GRM1: variants seen among roughly 807,000 people sequenced by gnomAD.
GRM1 encodes the protein glutamate metabotropic receptor 1, also known as metabotropic glutamate receptor 1.
Under a neutral mutation model 90.9 loss-of-function variants are expected in GRM1, and 33 were observed. That is an observed-to-expected ratio of 0.36 (90% CI 0.28 to 0.49). GRM1 has a LOEUF of 0.49. Among genes scored for constraint, GRM1 ranks in the 20% least tolerant of loss-of-function variants. The pLI is 0.99. For missense variants in GRM1, 1,190 were observed against 1,534.3 expected, an observed-to-expected ratio of 0.78 and a Z score of 3.75; for synonymous variants, 700 against 613.2, an observed-to-expected ratio of 1.14 and a Z score of -2.09.
At chr6:146,404,268 G>T in intron 7 of GRM1, among the ~76,000 whole-genome samples, 1 of 152,006 alleles carries the variant, frequency 6.6e-6, no homozygotes, top group East Asian at 1.9e-4. Context: ...ATCAATCATT[G>T]TTTCAACAGT....
chr6:146,360,533 G>A (rs1775428812), intron 5 of GRM1, among the ~76,000 whole-genome samples: 1 of 152,120 alleles, frequency 6.6e-6, no homozygotes, highest in Admixed American at 6.5e-5. Context: ...GCAACTCAAA[G>A]GTGACCAACA....
chr6:146,318,498 T>C (rs1784059165), intron 3 of GRM1, among the ~76,000 whole-genome samples: 1 of 152,236 alleles, frequency 6.6e-6, no homozygotes. Flanking sequence ...AAATCATTTA[T>C]AATCCTTTGG....
chr6:146,225,616 C>T (rs574395032), intron 2 of GRM1, among the ~76,000 whole-genome samples: 3 of 151,986 alleles, frequency 2.0e-5, no homozygotes, highest in East Asian at 1.9e-4. Context: ...GGTATAGTAG[C>T]CATTAATATT....
At chr6:146,275,431 G>T (rs1782318937) in intron 2 of GRM1, among the ~76,000 whole-genome samples, 1 of 152,042 alleles carries the variant, frequency 6.6e-6, no homozygotes, top group African/African-American at 2.4e-5. Flanking sequence ...GAGAAGGCGT[G>T]GGAATCAAGT....
chr6:146,221,006 C>T (rs1210231158), intron 2 of GRM1, among the ~76,000 whole-genome samples: 3 of 151,756 alleles, frequency 2.0e-5, no homozygotes, highest in African/African-American at 4.8e-5. Flanking sequence ...GGCTACATCT[C>T]GCTATGAAAT....
chr6:146,274,441 T>G (rs753807273), intron 2 of GRM1, among the ~76,000 whole-genome samples: 3 of 152,212 alleles, frequency 2.0e-5, no homozygotes, highest in Non-Finnish European at 4.4e-5. Flanking sequence ...AAGTGATGCT[T>G]AATTTCATTG....
intron 2 of GRM1, among the ~76,000 whole-genome samples, chr6:146,292,137 A>G (rs1321737859): frequency 1.3e-5 from 2 of 152,022 alleles, no homozygotes; most frequent in South Asian, 2.1e-4. Context: ...CTCACACTAT[A>G]TACAAAAATT....
intron 1 of GRM1, among the ~76,000 whole-genome samples, chr6:146,122,240 G>A (rs537358355): frequency 2.0e-5 from 3 of 152,224 alleles, no homozygotes; most frequent in African/African-American, 7.2e-5. Context: ...TTATTTTGGA[G>A]ATTATACAAT....
chr6:146,252,788 G>A (rs919379602), intron 2 of GRM1, among the ~76,000 whole-genome samples: 6 of 152,028 alleles, frequency 3.9e-5, no homozygotes, highest in African/African-American at 1.2e-4. Context: ...TTGGTTGGGC[G>A]CAGTGGCTCA....
intron 5 of GRM1, among the ~76,000 whole-genome samples, chr6:146,373,374 C>T (rs991668634): frequency 4.6e-5 from 7 of 152,166 alleles, no homozygotes; most frequent in South Asian, 2.1e-4. Flanking sequence ...TGGAAGCAGG[C>T]GCACCTGAAC....
At chr6:146,067,741 CAAAACAACAAAAT>C (rs1775894678) in intron 1 of GRM1, among the ~76,000 whole-genome samples, 1 of 151,784 alleles carries the variant, frequency 6.6e-6, no homozygotes, top group Non-Finnish European at 1.5e-5. Flanking sequence ...AAAAACAAAA[CAAAACAACAAAAT>C]AAGTTTCCAA....
chr6:146,237,280 A>T (rs1425505876), intron 2 of GRM1, among the ~76,000 whole-genome samples: 1 of 152,072 alleles, frequency 6.6e-6, no homozygotes, highest in Non-Finnish European at 1.5e-5. Context: ...ATTTTTGATA[A>T]GTATAACTCT....
chr6:146,253,972 T>C (rs1265930255), intron 2 of GRM1, among the ~76,000 whole-genome samples: 1 of 150,100 alleles, frequency 6.7e-6, no homozygotes, highest in Non-Finnish European at 1.5e-5. Context: ...ATATTTTACT[T>C]TTTTTTTTTG....
At chr6:146,214,113 G>C (rs1368916226) in intron 2 of GRM1, among the ~76,000 whole-genome samples, 1 of 151,988 alleles carries the variant, frequency 6.6e-6, no homozygotes, top group Non-Finnish European at 1.5e-5. Context: ...CCACTTTGAG[G>C]GTGGATCTTC....
chr6:146,168,759 T>A (rs1219037320), intron 2 of GRM1, among the ~76,000 whole-genome samples: 1 of 152,090 alleles, frequency 6.6e-6, no homozygotes, highest in Non-Finnish European at 1.5e-5. Flanking sequence ...TGGTCAATAC[T>A]CTAGAGATAT....
intron 1 of GRM1, among the ~76,000 whole-genome samples, chr6:146,079,574 T>C (rs1270853727): frequency 3.3e-5 from 5 of 152,186 alleles, no homozygotes; most frequent in African/African-American, 1.2e-4. Flanking sequence ...TACTTTTCTT[T>C]AACTCTATGA....
intron 3 of GRM1, among the ~76,000 whole-genome samples, chr6:146,330,154 C>A (rs1224203254): frequency 6.6e-6 from 1 of 152,174 alleles, no homozygotes; most frequent in Non-Finnish European, 1.5e-5. Context: ...TATGACTGAA[C>A]AACTCAAAGA....
rs1361568287 is a variant in GRM1, at chr6:146,436,142, T to TA, written c.*1346_*1347insA. 3 of 152,464 alleles carry TA rather than the reference T, an allele frequency of 2.0e-5. No homozygotes were observed. Among genetic ancestry groups the TA allele is most frequent in the South Asian group, 2.1e-4 (1 of 4,808 alleles). The allele number at this position is 152,464 out of a possible 1,614,324, so 9.4% of individuals were successfully genotyped here. A position where few individuals can be genotyped will look rare whatever the true frequency, so the allele number is the denominator to read the frequency against. On this transcript the variant is annotated 3_prime_UTR_variant, in exon 8 of 8. Coordinates refer to ENST00000282753, the MANE Select transcript of GRM1 (RefSeq NM_001278064.2). ...TTGTCTTTTGAATATACTATATATA[T>TA]TTTTTATGTTCCAATAATGTTTTGT...
intron 1 of GRM1, among the ~76,000 whole-genome samples, chr6:146,132,371 T>TTA (rs578196094): frequency 2.0e-3 from 302 of 152,228 alleles, no homozygotes; most frequent in African/African-American, 7.0e-3. Context: ...TACAGATAGA[T>TTA]TCAACATATC....
Sources: allele counts gnomAD v4.1 joint callset (sites outside exome capture counted in the v4.1 genomes callset), GRCh38; gene constraint gnomAD v4.1.1; transcripts MANE v1.5; gene names NCBI Gene and HGNC (gene_info 2026-07-23, HGNC 2026-07-21).